The following NPFFR1 variants were observed in gnomAD, a reference collection of about 807,000 sequenced individuals.
The protein encoded by NPFFR1 is neuropeptide FF receptor 1.
NPFFR1 carries 17 observed loss-of-function variants against 12.7 expected under a neutral mutation model. The observed-to-expected ratio is 1.34, with a 90% CI of 0.92 to 2.01. NPFFR1 has a LOEUF of 2.01. NPFFR1 is among the 30% of genes most tolerant of loss of function. NPFFR1 has a pLI of 0.00. For synonymous variants in NPFFR1, 296 were observed against 264.5 expected, an observed-to-expected ratio of 1.12 and a Z score of -1.16; for missense variants, 604 against 606.5, an observed-to-expected ratio of 1.00 and a Z score of 0.04.
At chr10:70,269,535 G>A (rs373761422) in intron 1 of NPFFR1, among the ~76,000 whole-genome samples, 7 of 149,282 alleles carry the variant, frequency 4.7e-5, no homozygotes, top group Admixed American at 4.7e-4. Context: ...TTTTGAGACG[G>A]AGTCTTGATC....
intron 1 of NPFFR1, among the ~76,000 whole-genome samples, chr10:70,272,760 C>G (rs986878557): frequency 5.9e-5 from 9 of 152,320 alleles, no homozygotes; most frequent in African/African-American, 2.2e-4. Context: ...CGAGGCACAT[C>G]TGTCCAGAGC....
At position 70,255,539 on chromosome 10, in the gene NPFFR1, G is replaced by A. The variant is rs1840558237; in HGVS notation, c.711C>T (p.Ala237=). 1.3e-6 allele frequency: 2 copies of A among 1,550,086 alleles called. No individual in the cohort carries two copies. The highest frequency in any genetic ancestry group is 8.7e-7 in the Non-Finnish European group (1 of 1,146,566). The part of the protein sequence containing the change: ...APLALIVVMY[A]RIARKLCQAP... ...CCTGGCAGAGCTTGCGCGCGATGCG[G>A]GCGTACATGACCACGATGAGCGCCA... Residue 237 remains alanine, a synonymous_variant, in exon 4 of 4, where the codon GCC becomes GCT. Transcript: ENST00000277942. This position sits in a 1 kb window ranked among gnomAD's most constrained non-coding sequence, Gnocchi z 4.2.
chr10:70,272,976 C>T (rs562100210), intron 1 of NPFFR1, among the ~76,000 whole-genome samples: 68 of 152,282 alleles, frequency 4.5e-4, no homozygotes, highest in African/African-American at 1.4e-3. Context: ...GAAAAAATAA[C>T]AATGTTTGTC....
chr10:70,247,457 A>G lies in NPFFR1; in HGVS notation c.*7500T>C, dbSNP rs935575377. 2 of 152,202 alleles carry G rather than the reference A, an allele frequency of 1.3e-5. No homozygotes were observed. Among genetic ancestry groups the G allele is most frequent in the African/African-American group, 4.8e-5 (2 of 41,446 alleles). The allele number at this position is 152,202 out of a possible 1,614,324, so 9.4% of individuals were successfully genotyped here. On this transcript the variant is annotated 3_prime_UTR_variant, in exon 4 of 4. Transcript: ENST00000277942. ...AGAGGTGGCTTCGGAGGACCACGAG[A>G]CAGCACTATGGACAAACAAAATGCA...
rs916694138 is a variant in NPFFR1 at position 70,250,802 on chromosome 10, C to T, written c.*4155G>A. 1 of 152,174 alleles carries T rather than the reference C, an allele frequency of 6.6e-6. No homozygotes were observed. The highest frequency in any genetic ancestry group is 2.4e-5 in the African/African-American group (1 of 41,438). 9.4% of individuals were successfully genotyped at this position (152,174 alleles called of 1,614,324 possible). A position where few individuals can be genotyped will look rare whatever the true frequency, so the allele number is the denominator to read the frequency against. Reference sequence around the variant, plus strand: ...AGTGTGGTAGGGACATAACTATATACAACTGTTAAAACTCGTCAAGCAGTA... The same window carrying T: ...AGTGTGGTAGGGACATAACTATATATAACTGTTAAAACTCGTCAAGCAGTA... On this transcript the variant is annotated 3_prime_UTR_variant, in exon 4 of 4. Transcript: ENST00000277942.
At chr10:70,257,931 A>C (rs1274922528) in intron 3 of NPFFR1, among the ~76,000 whole-genome samples, 1 of 152,162 alleles carries the variant, frequency 6.6e-6, no homozygotes, top group African/African-American at 2.4e-5. Context: ...CTTGAACTTA[A>C]TTATGACATA....
Position 70,255,893 on chromosome 10 carries a change from G to A in NPFFR1, c.423-66C>T, listed in dbSNP as rs551803311. ...TAGGGCCCCTGCGAGGGGACGGTGG[G>A]TGGGATGCGGGCACCTGACCTTCAT... On this transcript the variant is annotated intron_variant, in intron 3 of 3. Coordinates refer to ENST00000277942, the MANE Select transcript of NPFFR1 (RefSeq NM_022146.5). The surrounding 1 kb of genome is among the most constrained non-coding windows in gnomAD (Gnocchi z 4.2). The A allele has an allele frequency of 2.0e-6, 3 of 1,495,218 alleles. No individual in the cohort carries two copies. The South Asian group carries it at 3.9e-5, about 19-fold the overall frequency. The allele number at this position is 1,495,218 out of a possible 1,614,324, so 92.6% of individuals were successfully genotyped here. A position where few individuals can be genotyped will look rare whatever the true frequency, so the allele number is the denominator to read the frequency against.
At position 70,254,137 on chromosome 10, in the gene NPFFR1, C is replaced by T. The variant is rs1434328803; in HGVS notation, c.*820G>A. Reference sequence around the variant, plus strand: ...TGTCTATGAGTACGTAAAAGGACACCTCCTGTGGCCCTGCAGCATTACAAT... The same window carrying T: ...TGTCTATGAGTACGTAAAAGGACACTTCCTGTGGCCCTGCAGCATTACAAT... On this transcript the variant is annotated 3_prime_UTR_variant, in exon 4 of 4. Transcript: ENST00000277942. 6.6e-6 allele frequency: 1 copy of T among 152,194 alleles called. No homozygotes were observed. The highest frequency in any genetic ancestry group is 1.5e-5 in the Non-Finnish European group (1 of 68,066). 9.4% of individuals were successfully genotyped at this position (152,194 alleles called of 1,614,324 possible).
At position 70,274,256 on chromosome 10, in the gene NPFFR1, C is replaced by T. The variant is rs552408993; in HGVS notation, c.8-7865G>A. On this transcript the variant is annotated intron_variant, in intron 1 of 3. Coordinates refer to ENST00000277942, the MANE Select transcript of NPFFR1 (RefSeq NM_022146.5). ...CAAGGTCAGGAGTTCGAGACCAGCC[C>T]GGCCAACATGGTGAAACCCTGTCTC... Among the ~76,000 whole-genome samples, 29 of 151,818 alleles carry T rather than the reference C, an allele frequency of 1.9e-4. No individual in the cohort carries two copies. The South Asian group carries it at 2.3e-3, about 12-fold the overall frequency.
chr10:70,270,510 A>C (rs1418212183), intron 1 of NPFFR1, among the ~76,000 whole-genome samples: 2 of 152,208 alleles, frequency 1.3e-5, no homozygotes, highest in Admixed American at 6.5e-5. Context: ...CTTGGCCCTC[A>C]AGTAAGCTCA....
In NPFFR1 at chr10:70,248,661, T is replaced by C. The variant is rs1564591220; in HGVS notation, c.*6296A>G. 6.6e-6 allele frequency: 1 copy of C among 151,684 alleles called. No individual in the cohort carries two copies. Among genetic ancestry groups the C allele is most frequent in the Non-Finnish European group, 1.5e-5 (1 of 67,934 alleles). The allele number at this position is 151,684 out of a possible 1,614,324, so 9.4% of individuals were successfully genotyped here. ...CCATCATGCTTGGCTAATTTTTGTA[T>C]TTTTAATAGAGATGGGGTTTCACCA... On this transcript the variant is annotated 3_prime_UTR_variant, in exon 4 of 4. Transcript: ENST00000277942.
At chr10:70,265,952 C>A in intron 2 of NPFFR1, 125 bp downstream of exon 2, 2 of 847,306 alleles carry the variant, frequency 2.4e-6, no homozygotes, top group South Asian at 3.3e-5. Flanking sequence ...GAGTTCGAGA[C>A]CACGGCATGG....
Position 70,260,583 on chromosome 10 carries a change from C to T in NPFFR1, c.422+57G>A, listed in dbSNP as rs778011092. On this transcript the variant is annotated intron_variant, in intron 3 of 3. Transcript: ENST00000277942. The stretch of plus-strand genomic sequence containing the variant: ...CAACCCAGCATTAGAGGCAGTGGCT[C>T]CTCTTAATGCCAGGCCCTAGTTGGC... 2.3e-4 allele frequency: 328 copies of T among 1,433,758 alleles called. 1 individual carries two copies. The highest frequency in any genetic ancestry group is 2.5e-4 in the Non-Finnish European group (257 of 1,036,700). 88.8% of individuals were successfully genotyped at this position (1,433,758 alleles called of 1,614,324 possible).
intron 3 of NPFFR1, among the ~76,000 whole-genome samples, chr10:70,256,328 G>A (rs1421086324): frequency 2.6e-5 from 4 of 152,100 alleles, no homozygotes; most frequent in Admixed American, 1.3e-4. Context: ...GCTATCCTCC[G>A]GCCTCGGCCT....
intron 1 of NPFFR1, among the ~76,000 whole-genome samples, chr10:70,279,648 A>G (rs549901918): frequency 6.6e-6 from 1 of 151,964 alleles, no homozygotes; most frequent in African/African-American, 2.4e-5. Flanking sequence ...TTTAATAGAG[A>G]TGGGGTTTCA....
chr10:70,250,202 C>G lies in NPFFR1; in HGVS notation c.*4755G>C, dbSNP rs1279048393. The G allele has an allele frequency of 1.3e-5, 2 of 152,238 alleles. No homozygotes were observed. Among genetic ancestry groups the G allele is most frequent in the African/African-American group, 2.4e-5 (1 of 41,436 alleles). 9.4% of individuals were successfully genotyped at this position (152,238 alleles called of 1,614,324 possible). On this transcript the variant is annotated 3_prime_UTR_variant, in exon 4 of 4. Coordinates refer to ENST00000277942, the MANE Select transcript of NPFFR1 (RefSeq NM_022146.5). ...CTGGGATTACAGACGTGAGCCACCA[C>G]ACCTGGCCTGGAAATTTTCAAAAGG...
chr10:70,257,699 A>G (rs920275286), intron 3 of NPFFR1, among the ~76,000 whole-genome samples: 4 of 152,230 alleles, frequency 2.6e-5, no homozygotes, highest in African/African-American at 9.6e-5. Flanking sequence ...GTTGAGATAG[A>G]GGAAGGCCAC....
chr10:70,277,961 C>G (rs1246120989), intron 1 of NPFFR1: 3 of 519,874 alleles, frequency 5.8e-6, no homozygotes, highest in South Asian at 4.2e-5. Context: ...TCAGAGAACC[C>G]TCCAGGCCAT....
chr10:70,268,716 G>A (rs1840721084), intron 1 of NPFFR1, among the ~76,000 whole-genome samples: 1 of 106,024 alleles, frequency 9.4e-6, no homozygotes, highest in South Asian at 4.0e-4. Context: ...AGGGTTCCAA[G>A]AGAGCAAGAA....
Sources: gnomAD v4.1 joint callset for allele counts (sites outside exome capture counted in the v4.1 genomes callset) on GRCh38, gnomAD v4.1.1 for gene constraint, Gnocchi (gnomAD v3.1) non-coding constraint, MANE v1.5 for transcripts, NCBI Gene and HGNC (gene_info 2026-07-23, HGNC 2026-07-21) for gene names.